Variants in DNAJC15 observed in about 807,000 individuals in gnomAD.
The protein encoded by DNAJC15 is DnaJ heat shock protein family (Hsp40) member C15.
Under a neutral mutation model 22.4 loss-of-function variants are expected in DNAJC15, and 27 were observed. The observed-to-expected ratio is 1.20, with a 90% CI of 0.89 to 1.66. The LOEUF is 1.66. Among genes scored for constraint, DNAJC15 ranks in the 40% most tolerant of loss-of-function variants. The pLI, the probability that DNAJC15 is intolerant of heterozygous loss-of-function variation, is 0.00. For missense variants in DNAJC15, 208 were observed against 187.1 expected, an observed-to-expected ratio of 1.11 and a Z score of -0.65; for synonymous variants, 79 against 63.2, an observed-to-expected ratio of 1.25 and a Z score of -1.19.
intron 1 of DNAJC15, among the ~76,000 whole-genome samples, chr13:43,027,105 A>T (rs2040383961): frequency 6.6e-6 from 1 of 152,244 alleles, no homozygotes; most frequent in African/African-American, 2.4e-5. Flanking sequence ...GCTGTTTCTC[A>T]TGGAAAAGTA....
rs528480839 is a variant in DNAJC15 at position 43,054,155 on chromosome 13, G to A, written c.109-11531G>A. On this transcript the variant is annotated intron_variant, in intron 1 of 5. Transcript: ENST00000379221. ...GTCAAATGCTTTTTCTGTGCCTGTT[G>A]AGATGATCGGGTGATTGTTGTTTCC... Among the ~76,000 whole-genome samples the A allele has an allele frequency of 9.8e-5, 15 of 152,320 alleles. No homozygotes were observed. The South Asian group carries it at 1.9e-3, about 19-fold the overall frequency.
At chr13:43,066,334 C>A (rs1427994031) in intron 2 of DNAJC15, among the ~76,000 whole-genome samples, 1 of 152,044 alleles carries the variant, frequency 6.6e-6, no homozygotes, top group East Asian at 1.9e-4. Flanking sequence ...CCCTTCCTGG[C>A]CTACAGAGTT....
intron 1 of DNAJC15, among the ~76,000 whole-genome samples, chr13:43,027,163 C>A (rs1018347276): frequency 6.6e-6 from 1 of 152,150 alleles, no homozygotes; most frequent in African/African-American, 2.4e-5. Flanking sequence ...GCAGTTTGAA[C>A]AAAACTCAGT....
intron 5 of DNAJC15, among the ~76,000 whole-genome samples, chr13:43,098,048 G>A (rs1235074637): frequency 6.8e-6 from 1 of 146,140 alleles, no homozygotes; most frequent in Non-Finnish European, 1.5e-5. Flanking sequence ...TTTGGCCAAA[G>A]CAGTGGTTAG....
chr13:43,052,089 C>G (rs999615542), intron 1 of DNAJC15, among the ~76,000 whole-genome samples: 2 of 151,840 alleles, frequency 1.3e-5, no homozygotes, highest in African/African-American at 4.8e-5. Flanking sequence ...CTCAGCCTGC[C>G]GAGTAGCTGG....
rs557807791 is a variant in DNAJC15, at chr13:43,048,968, A to T, written c.109-16718A>T. The stretch of plus-strand genomic sequence containing the variant: ...AAGGCAGCCTTGTGAATTTTTTTTT[A>T]AAGAATTAAAAAAAAAGCCTCATAT... On this transcript the variant is annotated intron_variant, in intron 1 of 5. Coordinates refer to ENST00000379221, the MANE Select transcript of DNAJC15 (RefSeq NM_013238.3). Among the ~76,000 whole-genome samples the T allele has an allele frequency of 3.1e-4, 46 of 147,242 alleles. No individual in the cohort carries two copies. The South Asian group carries it at 8.1e-3, about 26-fold the overall frequency.
intron 1 of DNAJC15, among the ~76,000 whole-genome samples, chr13:43,030,806 G>A (rs1355870904): frequency 6.6e-6 from 1 of 152,122 alleles, no homozygotes; most frequent in Non-Finnish European, 1.5e-5. Flanking sequence ...CACAGCACGG[G>A]GTAGGTTGCA....
chr13:43,081,893 G>C (rs1003145361), intron 4 of DNAJC15, among the ~76,000 whole-genome samples: 3 of 152,096 alleles, frequency 2.0e-5, no homozygotes, highest in African/African-American at 7.2e-5. Context: ...AGCTGGGGAG[G>C]CCTCAATAAT....
chr13:43,023,792 C>CAGAAACTCA (rs2040364354), intron 1 of DNAJC15, 58 bp downstream of exon 1: 1 of 1,448,426 alleles, frequency 6.9e-7, no homozygotes, highest in African/African-American at 1.4e-5. Context: ...TCTGCTTCAG[C>CAGAAACTCA]CCCCTCTACC....
intron 5 of DNAJC15, among the ~76,000 whole-genome samples, chr13:43,096,567 A>C (rs1258225807): frequency 6.6e-6 from 1 of 152,206 alleles, no homozygotes; most frequent in Admixed American, 6.5e-5. Context: ...CTGAGTACTT[A>C]ATGTAAGCCA....
chr13:43,091,553 G>T (rs2040715216), intron 5 of DNAJC15, among the ~76,000 whole-genome samples: 2 of 151,986 alleles, frequency 1.3e-5, no homozygotes, highest in Non-Finnish European at 2.9e-5. Flanking sequence ...GGTAATGTTT[G>T]TAATTGCATT....
chr13:43,068,913 T>C lies in DNAJC15; in HGVS notation c.161-17T>C. 1 of 1,605,810 alleles carries C rather than the reference T, an allele frequency of 6.2e-7. No individual in the cohort carries two copies. Among genetic ancestry groups the C allele is most frequent in the South Asian group, 1.1e-5 (1 of 89,296 alleles). ...ATTATAGAAAATACATTTGCTTTTA[T>C]TCCCTTTACTATTTAGGTCGCTACG... is the stretch of plus-strand genomic sequence containing the variant. On this transcript the variant is annotated splice_polypyrimidine_tract_variant and intron_variant, in intron 2 of 5. Coordinates refer to ENST00000379221, the MANE Select transcript of DNAJC15 (RefSeq NM_013238.3).
intron 1 of DNAJC15, among the ~76,000 whole-genome samples, chr13:43,045,717 G>GT: frequency 6.6e-6 from 1 of 152,216 alleles, no homozygotes; most frequent in African/African-American, 2.4e-5. Context: ...TCACTTCCTT[G>GT]TTTTTTTCTT....
At chr13:43,062,029 C>CAGTG (rs1187046390) in intron 1 of DNAJC15, among the ~76,000 whole-genome samples, 1 of 152,094 alleles carries the variant, frequency 6.6e-6, no homozygotes, top group African/African-American at 2.4e-5. Flanking sequence ...ATGATTTTAT[C>CAGTG]AGTGAGGATC....
At chr13:43,029,303 C>G (rs1488585538) in intron 1 of DNAJC15, among the ~76,000 whole-genome samples, 3 of 152,196 alleles carry the variant, frequency 2.0e-5, no homozygotes, top group Non-Finnish European at 4.4e-5. Context: ...TTTCCTCTCT[C>G]CATCACAACT....
chr13:43,037,524 A>G (rs749186980), intron 1 of DNAJC15, among the ~76,000 whole-genome samples: 12 of 152,222 alleles, frequency 7.9e-5, no homozygotes, highest in Non-Finnish European at 1.8e-4. Context: ...TTTAAAGTAG[A>G]CAGGTCAGAG....
At chr13:43,059,844 TTTCGCGGGCATG>T (rs1566206734) in intron 1 of DNAJC15, among the ~76,000 whole-genome samples, 2 of 152,126 alleles carry the variant, frequency 1.3e-5, no homozygotes, top group Non-Finnish European at 2.9e-5. Context: ...AGGAGCAATG[TTTCGCGGGCATG>T]GGGTGGATCT....
chr13:43,069,587 A>G (rs559429800), intron 3 of DNAJC15, among the ~76,000 whole-genome samples: 54 of 152,338 alleles, frequency 3.5e-4, no homozygotes, highest in African/African-American at 1.3e-3. Context: ...ATGTATCCGT[A>G]AAAGCAACAG....
intron 5 of DNAJC15, among the ~76,000 whole-genome samples, chr13:43,087,473 A>G (rs971440706): frequency 6.6e-6 from 1 of 152,218 alleles, no homozygotes; most frequent in East Asian, 1.9e-4. Flanking sequence ...AACAGATTTT[A>G]AACAAAAATG....
Sources: allele counts gnomAD v4.1 joint callset (sites outside exome capture counted in the v4.1 genomes callset), GRCh38; gene constraint gnomAD v4.1.1; transcripts MANE v1.5; gene names NCBI Gene and HGNC (gene_info 2026-07-23, HGNC 2026-07-21).